Variants in GRM3 observed in about 807,000 individuals in gnomAD.
GRM3 encodes metabotropic glutamate receptor 3.
GRM3 carries 26 observed loss-of-function variants against 70.5 expected under a neutral mutation model. That is an observed-to-expected ratio of 0.37 (90% CI 0.27 to 0.51). The LOEUF (loss-of-function observed/expected upper bound fraction) is 0.51, where lower values mean the gene tolerates loss of function less well. Among genes scored for constraint, GRM3 ranks in the 20% least tolerant of loss-of-function variants. GRM3 has a pLI of 0.93. For synonymous variants in GRM3, 443 were observed against 434.9 expected (o/e 1.02, Z -0.23); for missense variants, 859 against 1,123.8 (o/e 0.76, Z 3.37).
intron 1 of GRM3, chr7:86,709,999 T>TA (rs1795156216): frequency 6.6e-6 from 1 of 152,030 alleles, no homozygotes; most frequent in African/African-American, 2.4e-5. Context: ...GTCTTGCTAT[T>TA]AAAAAATGGA....
At chr7:86,782,427 G>T (rs553449393) in intron 2 of GRM3, among the ~76,000 whole-genome samples, 1 of 151,864 alleles carries the variant, frequency 6.6e-6, no homozygotes, top group Admixed American at 6.6e-5. Flanking sequence ...TCAATGGAGA[G>T]AATGAGAAAG....
chr7:86,682,133 G>A (rs1365945601), intron 1 of GRM3, among the ~76,000 whole-genome samples: 2 of 152,086 alleles, frequency 1.3e-5, no homozygotes, highest in Non-Finnish European at 2.9e-5. Flanking sequence ...AACACCATCG[G>A]ATTAAATAGA....
chr7:86,707,198 A>G (rs543631313), intron 1 of GRM3, among the ~76,000 whole-genome samples: 2 of 152,156 alleles, frequency 1.3e-5, no homozygotes, highest in East Asian at 3.9e-4. Flanking sequence ...TCCCCTCTCT[A>G]TGACTGGTAC....
intron 1 of GRM3, among the ~76,000 whole-genome samples, chr7:86,658,687 A>G (rs1793811785): frequency 6.6e-6 from 1 of 152,174 alleles, no homozygotes; most frequent in Admixed American, 6.6e-5. Context: ...ATAGCTTTTT[A>G]TGGGGTAAAT....
intron 5 of GRM3, among the ~76,000 whole-genome samples, chr7:86,862,090 T>A (rs897984616): frequency 1.3e-5 from 2 of 152,182 alleles, no homozygotes; most frequent in Non-Finnish European, 1.5e-5. Context: ...ATTGGCCAGA[T>A]GGCAAAACCA....
At chr7:86,758,723 C>A (rs961615161) in intron 1 of GRM3, among the ~76,000 whole-genome samples, 5 of 152,070 alleles carry the variant, frequency 3.3e-5, no homozygotes, top group African/African-American at 1.2e-4. Flanking sequence ...AATCATTTTC[C>A]TCTAAATTCA....
intron 3 of GRM3, among the ~76,000 whole-genome samples, chr7:86,834,906 G>A (rs1798425603): frequency 1.3e-5 from 2 of 151,930 alleles, no homozygotes; most frequent in South Asian, 4.2e-4. Context: ...CATGAAAGGA[G>A]TTCCTAAAAT....
intron 1 of GRM3, among the ~76,000 whole-genome samples, chr7:86,676,059 G>A (rs530150629): frequency 1.7e-4 from 25 of 151,298 alleles, no homozygotes; most frequent in African/African-American, 6.1e-4. Context: ...TGTCCTATTA[G>A]GGGAACAAAC....
At chr7:86,774,378 C>T (rs949011648) in intron 2 of GRM3, among the ~76,000 whole-genome samples, 2 of 152,158 alleles carry the variant, frequency 1.3e-5, no homozygotes, top group Admixed American at 1.3e-4. Flanking sequence ...CAGTTAAACT[C>T]CAAACAAACG....
intron 1 of GRM3, among the ~76,000 whole-genome samples, chr7:86,674,723 T>A (rs748268807): frequency 6.6e-6 from 1 of 152,148 alleles, no homozygotes; most frequent in Admixed American, 6.6e-5. Flanking sequence ...GTTTACAACT[T>A]TAAGTCCCCA....
intron 1 of GRM3, among the ~76,000 whole-genome samples, chr7:86,750,600 A>G (rs1796207064): frequency 1.3e-5 from 2 of 152,056 alleles, no homozygotes; most frequent in South Asian, 4.1e-4. Context: ...TGCTAAGATG[A>G]AATTTAGAGT....
chr7:86,662,770 T>C (rs1793926343), intron 1 of GRM3, among the ~76,000 whole-genome samples: 1 of 151,996 alleles, frequency 6.6e-6, no homozygotes, highest in South Asian at 2.1e-4. Flanking sequence ...TTTAGTAATT[T>C]GTCCAAACAT....
At chr7:86,741,676 T>G (rs2282963) in intron 1 of GRM3, among the ~76,000 whole-genome samples, 61,570 of 151,902 alleles carry the variant, frequency 0.41, 15,039 homozygotes, top group African/African-American at 0.7. Context: ...TTTCCAAAAT[T>G]CTTGGACACC....
Position 86,864,410 on chromosome 7 carries a change from C to T in GRM3, c.*55C>T, listed in dbSNP as rs542380034. Reference sequence around the variant, plus strand: ...TTAGACTGTTAGACAAAAGTGCTCACGTGCAGCTCCAGAATATGGAAACAG... The same window carrying T: ...TTAGACTGTTAGACAAAAGTGCTCATGTGCAGCTCCAGAATATGGAAACAG... On this transcript the variant is annotated 3_prime_UTR_variant, in exon 6 of 6. Coordinates refer to ENST00000361669, the MANE Select transcript of GRM3 (RefSeq NM_000840.3). 30 of 1,170,042 alleles carry T rather than the reference C, an allele frequency of 2.6e-5. No homozygotes were observed. Among genetic ancestry groups the T allele is most frequent in the African/African-American group, 2.0e-4 (13 of 66,584 alleles). 72.5% of individuals were successfully genotyped at this position (1,170,042 alleles called of 1,614,324 possible). A position where few individuals can be genotyped will look rare whatever the true frequency, so the allele number is the denominator to read the frequency against.
At chr7:86,752,915 G>A (rs570292069) in intron 1 of GRM3, among the ~76,000 whole-genome samples, 2 of 152,148 alleles carry the variant, frequency 1.3e-5, no homozygotes, top group South Asian at 2.1e-4. Context: ...ACATTTTCTG[G>A]AGAAACAGAA....
chr7:86,761,205 T>C (rs908370954), intron 1 of GRM3, among the ~76,000 whole-genome samples: 2 of 152,124 alleles, frequency 1.3e-5, no homozygotes, highest in Non-Finnish European at 2.9e-5. Context: ...GCACACATAG[T>C]GGGTGTTCAA....
intron 1 of GRM3, among the ~76,000 whole-genome samples, chr7:86,646,904 A>G (rs1176625746): frequency 1.3e-5 from 2 of 152,232 alleles, no homozygotes; most frequent in African/African-American, 4.8e-5. Context: ...GTTGTGGTAT[A>G]CATGTGAAAA....
At chr7:86,714,413 CT>C (rs1237081042) in intron 1 of GRM3, among the ~76,000 whole-genome samples, 4 of 151,834 alleles carry the variant, frequency 2.6e-5, no homozygotes, top group African/African-American at 7.3e-5. Flanking sequence ...TGTGCATTTT[CT>C]CATTTGTCCA....
chr7:86,749,904 C>A (rs1796189826), intron 1 of GRM3, among the ~76,000 whole-genome samples: 1 of 151,990 alleles, frequency 6.6e-6, no homozygotes, highest in Non-Finnish European at 1.5e-5. Context: ...TCAGATAATT[C>A]TATTCCACTA....
Sources: gnomAD v4.1 joint callset for allele counts (sites outside exome capture counted in the v4.1 genomes callset) on GRCh38, gnomAD v4.1.1 for gene constraint, MANE v1.5 for transcripts, NCBI Gene and HGNC (gene_info 2026-07-23, HGNC 2026-07-21) for gene names.